The following RCAN2 variants were observed in gnomAD, a reference collection of about 807,000 sequenced individuals.
The protein encoded by RCAN2 is regulator of calcineurin 2, also known as calcipressin-2.
Under a neutral mutation model 23.6 loss-of-function variants are expected in RCAN2, and 9 were observed. That is an observed-to-expected ratio of 0.38 (90% CI 0.23 to 0.67). The LOEUF (loss-of-function observed/expected upper bound fraction) is 0.67, where lower values mean the gene tolerates loss of function less well. Ranked by LOEUF, RCAN2 falls within the 30% of genes least tolerant of loss-of-function variation. The pLI is 0.51. For synonymous variants in RCAN2, 109 were observed against 115.7 expected, an observed-to-expected ratio of 0.94 and a Z score of 0.37; for missense variants, 273 against 302.3, an observed-to-expected ratio of 0.90 and a Z score of 0.72.
At chr6:46,326,640 A>G (rs898307231) in intron 2 of RCAN2, among the ~76,000 whole-genome samples, 1 of 152,240 alleles carries the variant, frequency 6.6e-6, no homozygotes, top group Non-Finnish European at 1.5e-5. Context: ...TTATTTTATC[A>G]TTAGTTATAC....
intron 2 of RCAN2, among the ~76,000 whole-genome samples, chr6:46,309,604 A>G (rs886604276): frequency 2.0e-5 from 3 of 152,170 alleles, no homozygotes; most frequent in African/African-American, 7.2e-5. Flanking sequence ...AGAATGACCT[A>G]TCAATGACCT....
chr6:46,325,233 C>T (rs1271262251), intron 2 of RCAN2, among the ~76,000 whole-genome samples: 1 of 152,252 alleles, frequency 6.6e-6, no homozygotes, highest in Non-Finnish European at 1.5e-5. Context: ...CCTCTTCCAA[C>T]TTATTCTACT....
At chr6:46,411,029 G>C (rs1038053912) in intron 2 of RCAN2, among the ~76,000 whole-genome samples, 3 of 152,144 alleles carry the variant, frequency 2.0e-5, no homozygotes, top group Non-Finnish European at 4.4e-5. Context: ...GCCTTCAAAA[G>C]TGCTCACTTA....
At chr6:46,306,469 A>C (rs1254570101) in intron 2 of RCAN2, among the ~76,000 whole-genome samples, 2 of 152,148 alleles carry the variant, frequency 1.3e-5, no homozygotes, top group African/African-American at 4.8e-5. Flanking sequence ...CATTCTACAC[A>C]GTTTCAAAGG....
chr6:46,444,934 C>T (rs1390623459), intron 2 of RCAN2, among the ~76,000 whole-genome samples: 1 of 152,168 alleles, frequency 6.6e-6, no homozygotes, highest in Non-Finnish European at 1.5e-5. Context: ...GTCCCAGGTT[C>T]CACACTTGTC....
intron 1 of RCAN2, among the ~76,000 whole-genome samples, chr6:46,469,869 T>C (rs745914826): frequency 7.2e-5 from 11 of 152,162 alleles, no homozygotes; most frequent in Non-Finnish European, 1.3e-4. Context: ...AGCATTCAGC[T>C]AGCTTGCCCT....
At chr6:46,415,100 G>C (rs1766667527) in intron 2 of RCAN2, among the ~76,000 whole-genome samples, 1 of 152,156 alleles carries the variant, frequency 6.6e-6, no homozygotes, top group Admixed American at 6.5e-5. Context: ...CTGTAGAAAG[G>C]TTTTGGAGCA....
intron 2 of RCAN2, among the ~76,000 whole-genome samples, chr6:46,371,136 AG>A (rs1468229372): frequency 6.6e-6 from 1 of 152,306 alleles, no homozygotes; most frequent in African/African-American, 2.4e-5. Context: ...CTTAAAGGCT[AG>A]GGATTAATTA....
At chr6:46,343,375 ATTTTTTT>A (rs3084618) in intron 2 of RCAN2, among the ~76,000 whole-genome samples, 2,708 of 135,680 alleles carry the variant, frequency 0.02, 88 homozygotes, top group African/African-American at 0.066. Context: ...TGGGAAAACA[ATTTTTTT>A]TTTTTTTTTT....
chr6:46,457,232 A>G (rs577531984), intron 1 of RCAN2, among the ~76,000 whole-genome samples: 1 of 152,290 alleles, frequency 6.6e-6, no homozygotes, highest in South Asian at 2.1e-4. Context: ...CAGACAAACA[A>G]ATAGGTATAG....
intron 2 of RCAN2, among the ~76,000 whole-genome samples, chr6:46,320,772 A>C (rs1224879581): frequency 6.6e-6 from 1 of 152,214 alleles, no homozygotes; most frequent in Non-Finnish European, 1.5e-5. Context: ...TTCCAAGCAT[A>C]TGAAGAATTA....
intron 2 of RCAN2, among the ~76,000 whole-genome samples, chr6:46,260,401 A>G (rs909600604): frequency 3.3e-5 from 5 of 152,298 alleles, no homozygotes; most frequent in Admixed American, 3.3e-4. Context: ...AACGCACCCT[A>G]TTATAGATGG....
At chr6:46,261,511 C>A (rs1005306023) in intron 2 of RCAN2, among the ~76,000 whole-genome samples, 2 of 152,230 alleles carry the variant, frequency 1.3e-5, no homozygotes, top group Non-Finnish European at 2.9e-5. Flanking sequence ...TTACTAATCC[C>A]AGATTGGAAG....
chr6:46,236,477 T>C (rs1463557691), intron 4 of RCAN2, among the ~76,000 whole-genome samples: 1 of 152,044 alleles, frequency 6.6e-6, no homozygotes, highest in Non-Finnish European at 1.5e-5. Context: ...CCATTTATAA[T>C]GCTTAATTAT....
chr6:46,281,906 T>C (rs957087684), intron 2 of RCAN2, among the ~76,000 whole-genome samples: 4 of 152,154 alleles, frequency 2.6e-5, no homozygotes, highest in African/African-American at 9.7e-5. Flanking sequence ...AGTTAATAAG[T>C]AGCAGTTTTT....
At chr6:46,225,965 A>C (rs1765650691) in intron 4 of RCAN2, among the ~76,000 whole-genome samples, 1 of 152,162 alleles carries the variant, frequency 6.6e-6, no homozygotes, top group Non-Finnish European at 1.5e-5. Flanking sequence ...TTTGTGTATA[A>C]AGTAGGAGGA....
chr6:46,276,705 C>T (rs1203533131), intron 2 of RCAN2, among the ~76,000 whole-genome samples: 1 of 152,220 alleles, frequency 6.6e-6, no homozygotes, highest in African/African-American at 2.4e-5. Flanking sequence ...CTTTAAACTG[C>T]AGTCACACTT....
chr6:46,444,255 A>G (rs1767634443), intron 2 of RCAN2, among the ~76,000 whole-genome samples: 1 of 152,166 alleles, frequency 6.6e-6, no homozygotes, highest in African/African-American at 2.4e-5. Context: ...AGGCTCTCCT[A>G]TAGACCCAGA....
At chr6:46,460,430 T>C (rs1318813489) in intron 1 of RCAN2, among the ~76,000 whole-genome samples, 1 of 152,224 alleles carries the variant, frequency 6.6e-6, no homozygotes, top group African/African-American at 2.4e-5. Flanking sequence ...AACCATTGTC[T>C]ACCAAGATTG....
Sources: allele counts gnomAD v4.1 joint callset (sites outside exome capture counted in the v4.1 genomes callset), GRCh38; gene constraint gnomAD v4.1.1; transcripts MANE v1.5; gene names NCBI Gene and HGNC (gene_info 2026-07-23, HGNC 2026-07-21).